Variants in ANKRD44 observed in about 807,000 individuals in gnomAD.
ANKRD44 encodes serine/threonine-protein phosphatase 6 regulatory ankyrin repeat subunit B.
A neutral mutation model predicts 116.0 loss-of-function variants in ANKRD44; 35 were observed. That is an observed-to-expected ratio of 0.30 (90% CI 0.23 to 0.40). ANKRD44 has a LOEUF of 0.40. Ranked by LOEUF, ANKRD44 falls within the 10% of genes least tolerant of loss-of-function variation. ANKRD44 has a pLI of 1.00. For synonymous variants in ANKRD44, 435 were observed against 461.8 expected (o/e 0.94, Z 0.74); for missense variants, 1,014 against 1,242.6 (o/e 0.82, Z 2.77).
At chr2:197,034,044 G>A (rs569554274) in intron 16 of ANKRD44, among the ~76,000 whole-genome samples, 2 of 143,836 alleles carry the variant, frequency 1.4e-5, no homozygotes, top group African/African-American at 2.7e-5. Context: ...GGAGGCATAT[G>A]AGGGCTAGAG....
chr2:197,175,031 A>G (rs990862905), intron 2 of ANKRD44, among the ~76,000 whole-genome samples: 1 of 152,204 alleles, frequency 6.6e-6, no homozygotes, highest in Non-Finnish European at 1.5e-5. Flanking sequence ...GTTAACATTT[A>G]TTCTTAGTGG....
rs538622807 is a variant in ANKRD44 at position 197,027,715 on chromosome 2, C to T, written c.1651-2448G>A. 2.8e-5 allele frequency among the ~76,000 whole-genome samples: 4 copies of T among 142,854 alleles called. 1 individual carries two copies. In the South Asian group the frequency reaches 8.9e-4, roughly 32 times the overall value. 93.7% of individuals were successfully genotyped at this position (142,854 alleles called of 152,430 possible). A position where few individuals can be genotyped will look rare whatever the true frequency, so the allele number is the denominator to read the frequency against. ...TTTTTTTTTTTTTAAGAGACAGGGTCTCACTCTGTCACCCAGGCTGGAGTG... is the reference window on the plus strand; with the variant it reads ...TTTTTTTTTTTTTAAGAGACAGGGTTTCACTCTGTCACCCAGGCTGGAGTG... On this transcript the variant is annotated intron_variant, in intron 16 of 27. Transcript: ENST00000282272.
chr2:197,229,050 A>G (rs996007251), intron 1 of ANKRD44, among the ~76,000 whole-genome samples: 5 of 152,168 alleles, frequency 3.3e-5, no homozygotes, highest in African/African-American at 1.2e-4. Flanking sequence ...ACACAAAAAG[A>G]GCTGTTACCT....
intron 8 of ANKRD44, among the ~76,000 whole-genome samples, chr2:197,119,192 T>C (rs898502815): frequency 3.3e-5 from 5 of 152,262 alleles, no homozygotes; most frequent in Admixed American, 2.6e-4. Flanking sequence ...TGTAGTCATA[T>C]ATATGATTAT....
chr2:197,125,745 A>G (rs1345275316), intron 5 of ANKRD44, 92 bp downstream of exon 5: 8 of 1,382,138 alleles, frequency 5.8e-6, no homozygotes, highest in Non-Finnish European at 8.1e-6. Context: ...TTTTCATCAC[A>G]TTCTTTAAAA....
At chr2:197,088,872 T>G (rs1024100726) in intron 11 of ANKRD44, 98 bp from the exon 12 acceptor site, 2 of 1,367,320 alleles carry the variant, frequency 1.5e-6, no homozygotes, top group Non-Finnish European at 2.0e-6. Flanking sequence ...AAAAATCAGT[T>G]AGTAGAAAAA....
At chr2:197,016,070 AG>A in intron 17 of ANKRD44, 1 of 477,030 alleles carries the variant, frequency 2.1e-6, no homozygotes, top group Admixed American at 2.3e-5. Flanking sequence ...AGTTGTCAGG[AG>A]AGCTGCAGGT....
At chr2:197,088,275 T>C (rs1405226691) in intron 12 of ANKRD44, among the ~76,000 whole-genome samples, 3 of 152,212 alleles carry the variant, frequency 2.0e-5, no homozygotes, top group South Asian at 2.1e-4. Context: ...ATTAAAAGAC[T>C]AAAAATTAGA....
Position 197,086,736 on chromosome 2 carries a change from A to G in ANKRD44, c.1260T>C (p.Cys420=), listed in dbSNP as rs1249153346. The G allele has an allele frequency of 6.2e-7, 1 of 1,613,702 alleles. No homozygotes were observed. Among genetic ancestry groups the G allele is most frequent in the African/African-American group, 1.3e-5 (1 of 74,916 alleles). The change falls in exon 13 of 28, where the codon TGT becomes TGC. Residue 420 remains cysteine, a synonymous_variant. Transcript: ENST00000282272. ...CTCCGCTGCTCTGCAAGAGTTTTATACATTCCACATTACTAGAAAGACAGG... is the reference window on the plus strand; with the variant it reads ...CTCCGCTGCTCTGCAAGAGTTTTATGCATTCCACATTACTAGAAAGACAGG... ...HAAAAGGNVE[C]IKLLQSSGAD... is the part of the protein sequence containing the mutation.
At chr2:197,280,538 T>G (rs1282082878) in intron 1 of ANKRD44, among the ~76,000 whole-genome samples, 1 of 152,172 alleles carries the variant, frequency 6.6e-6, no homozygotes, top group Non-Finnish European at 1.5e-5. Flanking sequence ...CCAAGCTGAC[T>G]CCGTGGTCTA....
At chr2:196,980,897 A>C (rs2075796726) in intron 21 of ANKRD44, among the ~76,000 whole-genome samples, 2 of 152,198 alleles carry the variant, frequency 1.3e-5, no homozygotes, top group African/African-American at 4.8e-5. Flanking sequence ...TGAATAATAG[A>C]TGTTTTGAAG....
At chr2:196,981,595 G>T (rs1337724287) in intron 21 of ANKRD44, among the ~76,000 whole-genome samples, 1 of 152,084 alleles carries the variant, frequency 6.6e-6, no homozygotes, top group Non-Finnish European at 1.5e-5. Flanking sequence ...GGCTAACATG[G>T]CAAAACCCCA....
intron 4 of ANKRD44, chr2:197,134,782 C>G (rs2079179305): frequency 1.3e-5 from 2 of 152,080 alleles, no homozygotes; most frequent in South Asian, 4.1e-4. Context: ...CTAAAAAGAC[C>G]TGGTTCTTGT....
Position 197,212,953 on chromosome 2 carries a change from A to G in ANKRD44, c.28-25847T>C, listed in dbSNP as rs1360306238. Among the ~76,000 whole-genome samples the G allele has an allele frequency of 6.6e-6, 1 of 152,174 alleles. No individual in the cohort carries two copies. The highest frequency in any genetic ancestry group is 2.4e-5 in the African/African-American group (1 of 41,426). ...CTGGGATTCTAGTGTTTAAAGAAAC[A>G]TATTTTTCATACAAGTTGGCCCCTA... On this transcript the variant is annotated intron_variant, in intron 1 of 27. Transcript: ENST00000282272. This position sits in a 1 kb window ranked among gnomAD's most constrained non-coding sequence, Gnocchi z 4.8.
intron 21 of ANKRD44, among the ~76,000 whole-genome samples, chr2:196,968,357 T>C (rs1203117320): frequency 6.6e-6 from 1 of 152,242 alleles, no homozygotes; most frequent in Non-Finnish European, 1.5e-5. Flanking sequence ...GTTTATGTCT[T>C]ACTTCACAGA....
chr2:197,027,287 G>A lies in ANKRD44; in HGVS notation c.1651-2020C>T, dbSNP rs143398715. 2.6e-3 allele frequency among the ~76,000 whole-genome samples: 389 copies of A among 152,190 alleles called. 1 individual carries two copies. Among genetic ancestry groups the A allele is most frequent in the African/African-American group, 8.7e-3 (361 of 41,536 alleles). Reference sequence around the variant, plus strand: ...TGAGGTGGGAGGACGGCTTTAGCCCGGGAGGTGGAGGTGGCCGTGAGCTGA... The same window carrying A: ...TGAGGTGGGAGGACGGCTTTAGCCCAGGAGGTGGAGGTGGCCGTGAGCTGA... On this transcript the variant is annotated intron_variant, in intron 16 of 27. Coordinates refer to ENST00000282272, the MANE Select transcript of ANKRD44 (RefSeq NM_001195144.2).
chr2:197,147,222 C>G, intron 2 of ANKRD44, 117 bp from the exon 3 acceptor site: 2 of 762,302 alleles, frequency 2.6e-6, no homozygotes, highest in South Asian at 1.6e-5. Context: ...AGAGTGTGAA[C>G]ACCAAACATT....
intron 1 of ANKRD44, among the ~76,000 whole-genome samples, chr2:197,305,507 T>A (rs886266522): frequency 1.3e-5 from 2 of 152,260 alleles, no homozygotes; most frequent in East Asian, 3.8e-4. Context: ...TTTTAAAGAA[T>A]CTTTCATTTC....
intron 1 of ANKRD44, among the ~76,000 whole-genome samples, chr2:197,309,639 A>G (rs763936029): frequency 1.3e-5 from 2 of 152,146 alleles, no homozygotes; most frequent in Non-Finnish European, 2.9e-5. Flanking sequence ...CAGGACCCCA[A>G]AACAAAGTTC....
Sources: gnomAD v4.1 joint callset for allele counts (sites outside exome capture counted in the v4.1 genomes callset) on GRCh38, gnomAD v4.1.1 for gene constraint, Gnocchi (gnomAD v3.1) non-coding constraint, MANE v1.5 for transcripts, NCBI Gene and HGNC (gene_info 2026-07-23, HGNC 2026-07-21) for gene names.